Variants in ABCB7 observed in about 807,000 individuals in gnomAD.
The protein encoded by ABCB7 is ATP binding cassette subfamily B member 7.
In ABCB7, 7 loss-of-function variants were observed where a neutral mutation model predicts 54.4. That is an observed-to-expected ratio of 0.13 (90% CI 0.07 to 0.24). The LOEUF (loss-of-function observed/expected upper bound fraction) is 0.24. Among genes scored for constraint, ABCB7 ranks in the 10% least tolerant of loss-of-function variants. ABCB7 has a pLI of 1.00. For synonymous variants in ABCB7, 218 were observed against 207.1 expected (o/e 1.05, Z -0.45); for missense variants, 356 against 570.4 (o/e 0.62, Z 3.83).
chrX:75,080,049 A>T (rs1036932172), intron 4 of ABCB7, among the ~76,000 whole-genome samples: 2 of 112,370 alleles, frequency 1.8e-5, no homozygotes, highest in Non-Finnish European at 3.8e-5. Context: ...ATGTATCGAT[A>T]GCTCATCATT....
At chrX:75,140,804 A>C in intron 1 of ABCB7, among the ~76,000 whole-genome samples, 1 of 111,192 alleles carries the variant, frequency 9.0e-6, no homozygotes, top group Non-Finnish European at 1.9e-5. Flanking sequence ...GCAGGATGTG[A>C]AAAGGACATG....
Position 75,052,112 on chromosome X carries a change from A to C in ABCB7, c.*1258T>G, listed in dbSNP as rs2147436562. 1 of 110,393 alleles carries C rather than the reference A, an allele frequency of 9.1e-6. No homozygotes were observed. The highest frequency in any genetic ancestry group is 2.8e-4 in the East Asian group (1 of 3,588). 9.1% of individuals were successfully genotyped at this position (110,393 alleles called of 1,213,427 possible). On this transcript the variant is annotated 3_prime_UTR_variant, in exon 16 of 16. Coordinates refer to ENST00000373394, the MANE Select transcript of ABCB7 (RefSeq NM_001271696.3). ...GCTGCTTAATGATGAAGAATATTCTACATAGCGACATGAGAATGAAGGTTT... is the reference window on the plus strand; with the variant it reads ...GCTGCTTAATGATGAAGAATATTCTCCATAGCGACATGAGAATGAAGGTTT...
At chrX:75,123,879 G>A (rs1312320487) in intron 1 of ABCB7, among the ~76,000 whole-genome samples, 1 of 111,928 alleles carries the variant, frequency 8.9e-6, no homozygotes, top group Non-Finnish European at 1.9e-5. Context: ...ATTGTAGCAT[G>A]AAAGCAACCA....
chrX:75,101,392 C>A (rs1316049453), intron 3 of ABCB7, among the ~76,000 whole-genome samples: 1 of 110,011 alleles, frequency 9.1e-6, no homozygotes, highest in East Asian at 2.9e-4. Flanking sequence ...CTTTTCTAGT[C>A]TTTTAGGCAG....
chrX:75,081,417 A>C (rs1231118224), intron 4 of ABCB7, among the ~76,000 whole-genome samples: 4 of 112,090 alleles, frequency 3.6e-5, no homozygotes, highest in Non-Finnish European at 5.6e-5. Flanking sequence ...CTGACATATA[A>C]AAACTCAAGG....
Position 75,122,861 on chromosome X carries a change from G to GGTGTGTGTGTGTGTGTGTGTGTGT in ABCB7, c.169-8054_169-8031dup, listed in dbSNP as rs58879235. Among the ~76,000 whole-genome samples the GGTGTGTGTGTGTGTGTGTGTGTGT allele has an allele frequency of 1.6e-4, 15 of 93,152 alleles. 1 individual carries two copies. In the East Asian group the frequency reaches 3.0e-3, roughly 18 times the overall value. The allele number at this position is 93,152 out of a possible 115,157, so 80.9% of individuals were successfully genotyped here. Reference sequence around the variant, plus strand: ...AGTCCTTTGCCCATTTTAAAATTGGGGTGTGTGTGTGTGTGTGTGTGTGTG... The same window carrying GGTGTGTGTGTGTGTGTGTGTGTGT: ...AGTCCTTTGCCCATTTTAAAATTGGGGTGTGTGTGTGTGTGTGTGTGTGTGTGTGTGTGTGTGTGTGTGTGTGTG... On this transcript the variant is annotated intron_variant, in intron 1 of 15. Coordinates refer to ENST00000373394, the MANE Select transcript of ABCB7 (RefSeq NM_001271696.3).
At chrX:75,150,240 C>T (rs1403027891) in intron 1 of ABCB7, among the ~76,000 whole-genome samples, 3 of 111,027 alleles carry the variant, frequency 2.7e-5, no homozygotes, top group African/African-American at 6.5e-5. Context: ...TCTACCTAAC[C>T]GGATTACTGT....
At chrX:75,128,937 C>T (rs1047555551) in intron 1 of ABCB7, among the ~76,000 whole-genome samples, 2 of 111,653 alleles carry the variant, frequency 1.8e-5, no homozygotes, top group African/African-American at 6.5e-5. Flanking sequence ...ATTAAAAAGT[C>T]AGGAAAGAAC....
At position 75,054,577 on chromosome X, in the gene ABCB7, G is replaced by GT. The variant is rs796793574; in HGVS notation, c.2044-993dup. ...TTCTCCTAGACTTAGTAACTTCCTT[G>GT]TTTTTTTTTTTCATTTGCTTAGTTT... On this transcript the variant is annotated intron_variant, in intron 15 of 15. Coordinates refer to ENST00000373394, the MANE Select transcript of ABCB7 (RefSeq NM_001271696.3). Among the ~76,000 whole-genome samples the GT allele has an allele frequency of 3.5e-3, 351 of 99,250 alleles. 3 individuals are homozygous for GT. Among genetic ancestry groups the GT allele is most frequent in the East Asian group, 0.027 (85 of 3,161 alleles). 86.2% of individuals were successfully genotyped at this position (99,250 alleles called of 115,157 possible).
At chrX:75,054,477 C>T (rs773733174) in intron 15 of ABCB7, among the ~76,000 whole-genome samples, 1 of 111,304 alleles carries the variant, frequency 9.0e-6, no homozygotes, top group South Asian at 3.8e-4. Flanking sequence ...TACCTTATTA[C>T]GACTTTGTAA....
intron 4 of ABCB7, among the ~76,000 whole-genome samples, chrX:75,082,939 C>T (rs1420167046): frequency 9.0e-6 from 1 of 110,971 alleles, no homozygotes; most frequent in African/African-American, 3.3e-5. Context: ...TATCAGAAAA[C>T]ACATAATAAA....
intron 4 of ABCB7, among the ~76,000 whole-genome samples, chrX:75,096,134 CT>C (rs200237898): frequency 0.012 from 1,348 of 112,052 alleles, 22 homozygotes; most frequent in African/African-American, 0.042. Flanking sequence ...CATATTTATC[CT>C]TAGGTAATTT....
At chrX:75,057,799 AGAG>A (rs1309882963) in intron 15 of ABCB7, among the ~76,000 whole-genome samples, 3 of 109,764 alleles carry the variant, frequency 2.7e-5, no homozygotes, top group Admixed American at 2.0e-4. Flanking sequence ...TTGTTTCTCC[AGAG>A]AAGAATCCTC....
chrX:75,070,607 C>CG, intron 9 of ABCB7, 85 bp from the exon 10 acceptor site: 1 of 942,940 alleles, frequency 1.1e-6, no homozygotes, highest in Non-Finnish European at 1.5e-6. Context: ...TCTATTACGA[C>CG]GGAACAAAAT....
At chrX:75,121,184 G>A (rs376049379) in intron 1 of ABCB7, among the ~76,000 whole-genome samples, 2 of 108,844 alleles carry the variant, frequency 1.8e-5, no homozygotes, top group East Asian at 5.8e-4. Context: ...AGCTACTCTG[G>A]TGGCTGAGGC....
intron 3 of ABCB7, among the ~76,000 whole-genome samples, chrX:75,111,983 T>C (rs1381679832): frequency 1.8e-5 from 2 of 111,969 alleles, no homozygotes; most frequent in Non-Finnish European, 3.8e-5. Context: ...TTATGATACT[T>C]TGCAGTTTTA....
At chrX:75,076,037 C>T (rs2147471497) in intron 5 of ABCB7, among the ~76,000 whole-genome samples, 1 of 111,563 alleles carries the variant, frequency 9.0e-6, no homozygotes, top group East Asian at 2.8e-4. Flanking sequence ...CTACTAATGT[C>T]TCCCAAATCT....
In ABCB7 at chrX:75,065,226, G is replaced by A. The variant is rs1421273867; in HGVS notation, c.1675C>T (p.His559Tyr). The A allele has an allele frequency of 8.3e-7, 1 of 1,201,249 alleles. No individual in the cohort carries two copies. Among genetic ancestry groups the A allele is most frequent in the South Asian group, 1.8e-5 (1 of 56,544 alleles). Residue 559 changes from histidine to tyrosine, a missense_variant, in exon 13 of 16, where the codon CAT (histidine) becomes TAT (tyrosine). By Grantham distance (83) the His-to-Tyr change is moderately conservative (BLOSUM62 2). Coordinates refer to ENST00000373394, the MANE Select transcript of ABCB7 (RefSeq NM_001271696.3). The part of the protein sequence containing the change: ...GVVPQDAVLF[H>Y]NTIYYNLLYG... The stretch of plus-strand genomic sequence containing the variant: ...AAGAGGTTGTAATAAATAGTATTAT[G>A]GAAGAGGACAGCATCCTGAAGCAGA...
chrX:75,055,125 C>G (rs1184195308), intron 15 of ABCB7, among the ~76,000 whole-genome samples: 1 of 111,208 alleles, frequency 9.0e-6, no homozygotes, highest in Non-Finnish European at 1.9e-5. Context: ...TCAGGTCATT[C>G]CTTTATTTAT....
Sources: gnomAD v4.1 joint callset for allele counts (sites outside exome capture counted in the v4.1 genomes callset) on GRCh38, gnomAD v4.1.1 for gene constraint, MANE v1.5 for transcripts, NCBI Gene and HGNC (gene_info 2026-07-23, HGNC 2026-07-21) for gene names.